SMOC2: variants seen among roughly 807,000 people sequenced by gnomAD.
The protein encoded by SMOC2 is SPARC related modular calcium binding 2, also known as SPARC-related modular calcium-binding protein 2.
Under a neutral mutation model 61.4 loss-of-function variants are expected in SMOC2, and 39 were observed. That is an observed-to-expected ratio of 0.64 (90% CI 0.49 to 0.83). The LOEUF is 0.83. Ranked by LOEUF, SMOC2 falls within the 40% of genes least tolerant of loss-of-function variation. The pLI is 0.00. For synonymous variants in SMOC2, 247 were observed against 239.9 expected (o/e 1.03, Z -0.27); for missense variants, 556 against 592.9 (o/e 0.94, Z 0.65).
At chr6:168,576,144 G>T (rs1407031364) in intron 7 of SMOC2, among the ~76,000 whole-genome samples, 1 of 152,098 alleles carries the variant, frequency 6.6e-6, no homozygotes, top group African/African-American at 2.4e-5. Context: ...TGCTGGGCAG[G>T]TGCACCAGTC....
chr6:168,647,965 TTTATA>T (rs139954322), intron 9 of SMOC2, among the ~76,000 whole-genome samples: 3,582 of 152,230 alleles, frequency 0.024, 281 homozygotes, highest in Admixed American at 0.16. Flanking sequence ...TCCTGCAGCT[TTTATA>T]TTATGTTAGT....
chr6:168,664,145 C>T (rs755017898), intron 12 of SMOC2, 34 bp downstream of exon 12: 19 of 1,538,374 alleles, frequency 1.2e-5, no homozygotes, highest in Admixed American at 5.1e-5. Context: ...TTAACCATTT[C>T]GTTTTTAAAT....
Position 168,609,381 on chromosome 6 carries a change from T to C in SMOC2, c.907+1142T>C, listed in dbSNP as rs145416718. On this transcript the variant is annotated intron_variant, in intron 9 of 12. Coordinates refer to ENST00000356284, the MANE Select transcript of SMOC2 (RefSeq NM_001166412.2). The stretch of plus-strand genomic sequence containing the variant: ...TTTTTTTTAATGAGAGTATGGTCCT[T>C]GTGTGAGCAATCAACTTGCTTTCTG... 3.9e-4 allele frequency among the ~76,000 whole-genome samples: 59 copies of C among 152,250 alleles called. 1 individual carries two copies. The East Asian group carries it at 0.01, about 27-fold the overall frequency.
chr6:168,605,414 A>C (rs1262789514), intron 8 of SMOC2, among the ~76,000 whole-genome samples: 1 of 152,172 alleles, frequency 6.6e-6, no homozygotes, highest in Non-Finnish European at 1.5e-5. Context: ...TATACAAATA[A>C]GTTAAAATAA....
intron 11 of SMOC2, among the ~76,000 whole-genome samples, chr6:168,657,661 C>T (rs1702398420): frequency 6.6e-6 from 1 of 152,118 alleles, no homozygotes; most frequent in African/African-American, 2.4e-5. Flanking sequence ...ACCTTATGAA[C>T]ACAAACGTAT....
At chr6:168,543,302 C>A (rs1238436325) in intron 4 of SMOC2, among the ~76,000 whole-genome samples, 1 of 152,162 alleles carries the variant, frequency 6.6e-6, no homozygotes, top group Non-Finnish European at 1.5e-5. Flanking sequence ...CACTTCAGTA[C>A]CCCAACATGG....
intron 5 of SMOC2, among the ~76,000 whole-genome samples, chr6:168,545,223 A>C (rs1327808773): frequency 6.6e-6 from 1 of 151,734 alleles, no homozygotes; most frequent in Non-Finnish European, 1.5e-5. Context: ...GGCATTTCTT[A>C]ATCCTGTTTA....
At chr6:168,617,382 C>T (rs1480092905) in intron 9 of SMOC2, among the ~76,000 whole-genome samples, 3 of 152,254 alleles carry the variant, frequency 2.0e-5, no homozygotes, top group Non-Finnish European at 2.9e-5. Flanking sequence ...TGTTTCTCAC[C>T]GACGTGGCTG....
intron 5 of SMOC2, 53 bp downstream of exon 5, chr6:168,543,725 C>A: frequency 6.7e-7 from 1 of 1,502,354 alleles, no homozygotes; most frequent in South Asian, 1.2e-5. Flanking sequence ...TAACTTATCC[C>A]GTGAAATAAC....
At chr6:168,503,979 C>T (rs138605108) in intron 1 of SMOC2, among the ~76,000 whole-genome samples, 46 of 152,284 alleles carry the variant, frequency 3.0e-4, no homozygotes, top group African/African-American at 7.0e-4. Flanking sequence ...GTTTGAACCC[C>T]GGTCTCCTCA....
intron 7 of SMOC2, among the ~76,000 whole-genome samples, chr6:168,573,687 G>A (rs1005020295): frequency 1.1e-4 from 17 of 152,074 alleles, no homozygotes; most frequent in Non-Finnish European, 2.5e-4. Context: ...CCTGGTATCC[G>A]CTTCACACCA....
intron 4 of SMOC2, among the ~76,000 whole-genome samples, chr6:168,531,914 A>C (rs539654207): frequency 6.6e-6 from 1 of 152,232 alleles, no homozygotes; most frequent in Admixed American, 6.5e-5. Flanking sequence ...CGGGCGTAGG[A>C]GAATGTGGGC....
At chr6:168,517,638 G>A (rs1443796325) in intron 2 of SMOC2, among the ~76,000 whole-genome samples, 2 of 152,200 alleles carry the variant, frequency 1.3e-5, no homozygotes, top group Non-Finnish European at 2.9e-5. Context: ...CTCCGTCCAC[G>A]CGCTCTGCTC....
At chr6:168,459,757 C>T (rs1781678943) in intron 1 of SMOC2, among the ~76,000 whole-genome samples, 1 of 140,550 alleles carries the variant, frequency 7.1e-6, no homozygotes, top group South Asian at 2.4e-4. Context: ...GGTGGGTGAG[C>T]CCTGGGGTGG....
At chr6:168,517,639 C>T (rs1300544744) in intron 2 of SMOC2, among the ~76,000 whole-genome samples, 2 of 152,248 alleles carry the variant, frequency 1.3e-5, no homozygotes, top group East Asian at 1.9e-4. Flanking sequence ...TCCGTCCACG[C>T]GCTCTGCTCC....
chr6:168,596,834 C>A (rs1159240661), intron 7 of SMOC2, among the ~76,000 whole-genome samples: 1 of 152,222 alleles, frequency 6.6e-6, no homozygotes, highest in Non-Finnish European at 1.5e-5. Context: ...GTTTTATGCA[C>A]CTGTGCATTT....
intron 11 of SMOC2, among the ~76,000 whole-genome samples, chr6:168,658,736 A>G (rs1266047284): frequency 1.3e-5 from 2 of 152,120 alleles, no homozygotes; most frequent in East Asian, 3.9e-4. Flanking sequence ...AAATTTCGGG[A>G]TGAAACGATT....
chr6:168,465,699 C>G (rs1214001855), intron 1 of SMOC2, among the ~76,000 whole-genome samples: 1 of 149,046 alleles, frequency 6.7e-6, no homozygotes. Context: ...AGAGCTGGAA[C>G]TGGGGGCTCT....
Position 168,478,302 on chromosome 6 carries a change from A to G in SMOC2, c.85-31613A>G, listed in dbSNP as rs73270995. Among the ~76,000 whole-genome samples, 642 of 152,064 alleles carry G rather than the reference A, an allele frequency of 4.2e-3. 7 individuals carry two copies. The highest frequency in any genetic ancestry group is 0.015 in the African/African-American group (603 of 41,432). ...AAATGTCTCCTGGTGTAGCCAAGAA[A>G]ATGATGGTGGTAGGAATTTGGCTAG... On this transcript the variant is annotated intron_variant, in intron 1 of 12. Transcript: ENST00000356284.
Sources: gnomAD v4.1 joint callset for allele counts (sites outside exome capture counted in the v4.1 genomes callset) on GRCh38, gnomAD v4.1.1 for gene constraint, MANE v1.5 for transcripts, NCBI Gene and HGNC (gene_info 2026-07-23, HGNC 2026-07-21) for gene names.